Variants in USP6NL observed in about 807,000 individuals in gnomAD.
USP6NL encodes USP6 N-terminal-like protein.
In USP6NL, 26 loss-of-function variants were observed where a neutral mutation model predicts 61.9. The ratio of observed to expected loss-of-function variants is 0.42; its 90% CI spans 0.31 to 0.58. USP6NL has a LOEUF of 0.58. USP6NL is among the 20% of genes least tolerant of loss of function. USP6NL has a pLI of 0.16. For synonymous variants in USP6NL, 432 were observed against 390.1 expected (o/e 1.11, Z -1.27); for missense variants, 1,114 against 1,034.3 (o/e 1.08, Z -1.06).
At chr10:11,541,230 CATATATATATATATATATATATATAT>C (rs71378797) in intron 2 of USP6NL, among the ~76,000 whole-genome samples, 492 of 43,218 alleles carry the variant, frequency 0.011, 17 homozygotes, top group Middle Eastern at 0.077. Flanking sequence ...TCAATAGTGC[CATATATATATATATATATATATATAT>C]ATATATATAT....
intron 2 of USP6NL, among the ~76,000 whole-genome samples, chr10:11,586,932 C>T (rs1192641630): frequency 6.6e-6 from 1 of 152,196 alleles, no homozygotes; most frequent in Non-Finnish European, 1.5e-5. Context: ...TCTCCTCTTC[C>T]TCTTCACTAG....
intron 1 of USP6NL, among the ~76,000 whole-genome samples, chr10:11,605,872 G>A (rs976480348): frequency 3.9e-5 from 6 of 152,128 alleles, no homozygotes; most frequent in Admixed American, 3.3e-4. Context: ...AAAATACACA[G>A]AGGATTCAGG....
At position 11,575,148 on chromosome 10, in the gene USP6NL, G is replaced by A. The variant is rs1837497443; in HGVS notation, c.4+22483C>T. ...ACTCACAAACTAAATCAAAGTAAGA[G>A]TTCAGATGGGTCAAAGACTAAGTTT... is the stretch of plus-strand genomic sequence containing the variant. On this transcript the variant is annotated intron_variant, in intron 2 of 14. Transcript: ENST00000609104. The surrounding 1 kb of genome is among the most constrained non-coding windows in gnomAD (Gnocchi z 4.2). Among the ~76,000 whole-genome samples, 1 of 152,192 alleles carries A rather than the reference G, an allele frequency of 6.6e-6. No individual in the cohort carries two copies.
At position 11,463,055 on chromosome 10, in the gene USP6NL, C is replaced by T; in HGVS notation, c.1873G>A (p.Gly625Arg). The change falls in exon 15 of 15, where the codon GGG (glycine) becomes AGG (arginine). Residue 625 changes from glycine to arginine, a missense_variant. Transcript: ENST00000609104. The surrounding 1 kb of genome is among the most constrained non-coding windows in gnomAD (Gnocchi z 6.3). ...CTGTAGGAGGGGGGATGAGCTAGCC[C>T]TCGGGCTTCCCCATCTAGCTGGGAC... is the stretch of plus-strand genomic sequence containing the variant. ...YPSQLDGEAR[G>R]LAHPPSYSNP... 6.2e-7 allele frequency: 1 copy of T among 1,614,020 alleles called. No individual in the cohort carries two copies. Among genetic ancestry groups the T allele is most frequent in the Non-Finnish European group, 8.5e-7 (1 of 1,179,906 alleles).
At chr10:11,550,842 C>T (rs1279510683) in intron 2 of USP6NL, among the ~76,000 whole-genome samples, 3 of 150,216 alleles carry the variant, frequency 2.0e-5, no homozygotes, top group African/African-American at 7.3e-5. Flanking sequence ...ACAAAAGACA[C>T]ATGGATATAT....
In USP6NL at chr10:11,482,000, G is replaced by A. The variant is rs1307424024; in HGVS notation, c.926-78C>T. ...GGAAGATATTCTATTATATTCAGGT[G>A]TAGTGTAAAAGGGCATTAAAAAGGG... On this transcript the variant is annotated intron_variant, in intron 13 of 14. Coordinates refer to ENST00000609104, the MANE Select transcript of USP6NL (RefSeq NM_014688.5). This position sits in a 1 kb window ranked among gnomAD's most constrained non-coding sequence, Gnocchi z 4.4. 2.8e-6 allele frequency: 4 copies of A among 1,427,330 alleles called. No individual in the cohort carries two copies. Among genetic ancestry groups the A allele is most frequent in the Non-Finnish European group, 3.7e-6 (4 of 1,076,590 alleles). 88.4% of individuals were successfully genotyped at this position (1,427,330 alleles called of 1,614,324 possible).
chr10:11,487,913 T>C lies in USP6NL; in HGVS notation c.664+1189A>G, dbSNP rs1193176631. ...TTTTGAAAATATTAAAACAGTACTT[T>C]AAATATATAGCAGGTTCCTCACCAC... On this transcript the variant is annotated intron_variant, in intron 10 of 14. Transcript: ENST00000609104. The surrounding 1 kb of genome is among the most constrained non-coding windows in gnomAD (Gnocchi z 4.2). Among the ~76,000 whole-genome samples, 1 of 152,216 alleles carries C rather than the reference T, an allele frequency of 6.6e-6. No homozygotes were observed. Among genetic ancestry groups the C allele is most frequent in the East Asian group, 1.9e-4 (1 of 5,202 alleles).
rs149077176 is a variant in USP6NL, at chr10:11,467,757, C to T, written c.1079-3908G>A. On this transcript the variant is annotated intron_variant, in intron 14 of 14. Transcript: ENST00000609104. ...ACTGAAAGAAATAAACGCTAGTAGT[C>T]ATTAATATAGTTTTTAAATGCTCTT... Among the ~76,000 whole-genome samples the T allele has an allele frequency of 2.6e-5, 4 of 152,236 alleles. No homozygotes were observed. In the East Asian group the frequency reaches 7.7e-4, roughly 29 times the overall value.
rs1247655302 is a variant in USP6NL, at chr10:11,462,144, T to C, written c.*297A>G. ...CCAACAGAGTAAAAATGTTCAGGTTTTGGAGAAAAACATAACCGGAACTGA... is the reference window on the plus strand; with the variant it reads ...CCAACAGAGTAAAAATGTTCAGGTTCTGGAGAAAAACATAACCGGAACTGA... On this transcript the variant is annotated 3_prime_UTR_variant, in exon 15 of 15. Coordinates refer to ENST00000609104, the MANE Select transcript of USP6NL (RefSeq NM_014688.5). 1 of 331,252 alleles carries C rather than the reference T, an allele frequency of 3.0e-6. No homozygotes were observed. Among genetic ancestry groups the C allele is most frequent in the Non-Finnish European group, 5.5e-6 (1 of 181,644 alleles). 20.5% of individuals were successfully genotyped at this position (331,252 alleles called of 1,614,324 possible).
chr10:11,470,750 CTA>C lies in USP6NL; in HGVS notation c.1079-6903_1079-6902del, dbSNP rs1832705843. Among the ~76,000 whole-genome samples the C allele has an allele frequency of 6.6e-6, 1 of 152,208 alleles. No individual in the cohort carries two copies. Among genetic ancestry groups the C allele is most frequent in the Admixed American group, 6.5e-5 (1 of 15,282 alleles). On this transcript the variant is annotated intron_variant, in intron 14 of 14. Transcript: ENST00000609104. This position sits in a 1 kb window ranked among gnomAD's most constrained non-coding sequence, Gnocchi z 5.4. ...ACATAATTGATGTCAAAACAGAAAACTATATATAGGCAATAAGCATTCCTATT... is the reference window on the plus strand; with the variant it reads ...ACATAATTGATGTCAAAACAGAAAACTATATAGGCAATAAGCATTCCTATT...
At chr10:11,555,433 A>AAAAAAAAAAAAAATAT (rs1275798295) in intron 2 of USP6NL, among the ~76,000 whole-genome samples, 2 of 49,024 alleles carry the variant, frequency 4.1e-5, no homozygotes, top group Non-Finnish European at 3.4e-5. Flanking sequence ...AAAAAAAAAA[A>AAAAAAAAAAAAAATAT]ATATATATAT....
chr10:11,547,542 CTT>C lies in USP6NL; in HGVS notation c.5-19977_5-19976del, dbSNP rs11409797. 3.9e-4 allele frequency among the ~76,000 whole-genome samples: 54 copies of C among 137,952 alleles called. 1 individual carries two copies. The highest frequency in any genetic ancestry group is 9.8e-4 in the African/African-American group (36 of 36,784). The allele number at this position is 137,952 out of a possible 152,430, so 90.5% of individuals were successfully genotyped here. On this transcript the variant is annotated intron_variant, in intron 2 of 14. Coordinates refer to ENST00000609104, the MANE Select transcript of USP6NL (RefSeq NM_014688.5). ...ATCAAGCTCATAAAGCATTTTAAAA[CTT>C]TTTTTTTTTTTTTTTGAGACAGTCT...
At chr10:11,546,608 G>C (rs946521232) in intron 2 of USP6NL, among the ~76,000 whole-genome samples, 1 of 151,966 alleles carries the variant, frequency 6.6e-6, no homozygotes, top group African/African-American at 2.4e-5. Flanking sequence ...AGTAGAGAAG[G>C]GGTTTCATCA....
chr10:11,516,411 T>A (rs544244908), intron 5 of USP6NL, among the ~76,000 whole-genome samples: 5 of 152,326 alleles, frequency 3.3e-5, no homozygotes, highest in East Asian at 1.9e-4. Flanking sequence ...AAACTTTTTT[T>A]AATTCATTTC....
intron 2 of USP6NL, among the ~76,000 whole-genome samples, chr10:11,539,018 T>TGG (rs2133445607): frequency 6.6e-6 from 1 of 152,264 alleles, no homozygotes; most frequent in South Asian, 2.1e-4. Context: ...GTGGAGGAAA[T>TGG]GCAGCGAGGG....
chr10:11,493,292 C>G, intron 7 of USP6NL, 64 bp from the exon 8 acceptor site: 1 of 1,370,872 alleles, frequency 7.3e-7, no homozygotes, highest in Non-Finnish European at 1.0e-6. Flanking sequence ...AACTCTATGA[C>G]AAATAATAAT....
intron 1 of USP6NL, among the ~76,000 whole-genome samples, chr10:11,609,150 T>C (rs1273200444): frequency 6.6e-6 from 1 of 152,156 alleles, no homozygotes; most frequent in Non-Finnish European, 1.5e-5. Context: ...CTGCAACCTC[T>C]ACCTCCCAGA....
At chr10:11,547,739 A>AC (rs1436576178) in intron 2 of USP6NL, among the ~76,000 whole-genome samples, 1 of 151,946 alleles carries the variant, frequency 6.6e-6, no homozygotes, top group African/African-American at 2.4e-5. Flanking sequence ...ACGGGGTGTC[A>AC]CCGTGTTATC....
Position 11,527,551 on chromosome 10 carries a change from T to A in USP6NL, c.21A>T (p.Val7=). Residue 7 remains valine (V), a synonymous_variant, in exon 3 of 15, where the codon GTA becomes GTT. Coordinates refer to ENST00000609104, the MANE Select transcript of USP6NL (RefSeq NM_014688.5). The part of the protein sequence containing the change: MNSDQD[V]ALKLAQERAE... Reference sequence around the variant, plus strand: ...CTCGCTCCTGGGCAAGTTTGAGTGCTACATCCTGGTCTGAATCTGTGGAGA... The same window carrying A: ...CTCGCTCCTGGGCAAGTTTGAGTGCAACATCCTGGTCTGAATCTGTGGAGA... The A allele has an allele frequency of 6.2e-7, 1 of 1,609,420 alleles. No individual in the cohort carries two copies. Among genetic ancestry groups the A allele is most frequent in the Non-Finnish European group, 8.5e-7 (1 of 1,177,680 alleles).
Sources: allele counts gnomAD v4.1 joint callset (sites outside exome capture counted in the v4.1 genomes callset), GRCh38; gene constraint gnomAD v4.1.1; non-coding constraint Gnocchi (gnomAD v3.1); transcripts MANE v1.5; gene names NCBI Gene and HGNC (gene_info 2026-07-23, HGNC 2026-07-21).